The following TRIM75 variants were observed in gnomAD, a reference collection of about 807,000 sequenced individuals.
TRIM75 encodes the protein tripartite motif containing 75.
the TRIM75 span, among the ~76,000 whole-genome samples, chr4:165,058,547 T>A: frequency 3.3e-5 from 5 of 152,138 alleles, no homozygotes; most frequent in African/African-American, 1.2e-4. Flanking sequence ...GTGGTCTCTA[T>A]GCCTCAGGGC....
chr4:165,055,908 G>T, the TRIM75 span, among the ~76,000 whole-genome samples: 1 of 144,614 alleles, frequency 6.9e-6, no homozygotes, highest in African/African-American at 2.5e-5. Context: ...CACATGAGAC[G>T]CTGTCTCTCT....
the TRIM75 span, among the ~76,000 whole-genome samples, chr4:165,058,145 A>AT: frequency 6.6e-6 from 1 of 151,838 alleles, no homozygotes; most frequent in Admixed American, 6.6e-5. Context: ...GGTAGATGTG[A>AT]TTTTGAGCCA....
At chr4:165,055,283 CTTTT>C in the TRIM75 span, among the ~76,000 whole-genome samples, 6,920 of 129,546 alleles carry the variant, frequency 0.053, 539 homozygotes, top group African/African-American at 0.18. Context: ...AAGATAACTA[CTTTT>C]TTTTTTTTTT....
At chr4:165,059,042 A>AGG in the TRIM75 span, 3,403 of 622,576 alleles carry the variant, frequency 5.5e-3, 47 homozygotes, top group African/African-American at 0.039. Context: ...GCCTCCAGGA[A>AGG]GGACAGTGAG....
the TRIM75 span, chr4:165,059,475 G>A: frequency 5.1e-6 from 4 of 780,806 alleles, no homozygotes; most frequent in Non-Finnish European, 7.2e-6. Flanking sequence ...TTTCTGCAAG[G>A]AGGACCTGAT....
the TRIM75 span, chr4:165,060,044 C>T: frequency 7.7e-6 from 6 of 777,996 alleles, no homozygotes; most frequent in African/African-American, 5.1e-5. Flanking sequence ...TAATTCTAGA[C>T]CCTGAAACAG....
chr4:165,059,289 C>T, the TRIM75 span: 23 of 780,428 alleles, frequency 2.9e-5, no homozygotes, highest in Middle Eastern at 4.5e-4. Flanking sequence ...GCTGGATCTA[C>T]AGGAATTGTT....
At chr4:165,055,641 G>A in the TRIM75 span, among the ~76,000 whole-genome samples, 1 of 152,154 alleles carries the variant, frequency 6.6e-6, no homozygotes, top group African/African-American at 2.4e-5. Flanking sequence ...TGGAAGATGA[G>A]GCCAGAGGGG....
At chr4:165,055,915 C>G in the TRIM75 span, among the ~76,000 whole-genome samples, 2 of 128,282 alleles carry the variant, frequency 1.6e-5, no homozygotes, top group African/African-American at 5.8e-5. Flanking sequence ...GACGCTGTCT[C>G]TCTCTCCCTT....
chr4:165,060,276 C>T, the TRIM75 span: 1 of 780,872 alleles, frequency 1.3e-6, no homozygotes, highest in South Asian at 1.3e-5. Flanking sequence ...GGCGAGGAGA[C>T]CCTCATCAGC....
At chr4:165,059,456 C>T in the TRIM75 span, 1 of 780,898 alleles carries the variant, frequency 1.3e-6, no homozygotes, top group African/African-American at 1.7e-5. Context: ...ACAACCAGCC[C>T]CTGAGCGTTT....
At chr4:165,060,226 A>G in the TRIM75 span, 1 of 780,922 alleles carries the variant, frequency 1.3e-6, no homozygotes, top group South Asian at 1.3e-5. Context: ...GATAAGTCAG[A>G]ATGGGCTATT....
chr4:165,060,537 G>A, the TRIM75 span: 2 of 756,088 alleles, frequency 2.6e-6, no homozygotes, highest in African/African-American at 3.4e-5. Context: ...AATCTGTACA[G>A]GGACAGTTTG....
At chr4:165,059,434 T>C in the TRIM75 span, 1 of 780,868 alleles carries the variant, frequency 1.3e-6, no homozygotes, top group Non-Finnish European at 2.4e-6. Flanking sequence ...GAGACCACCT[T>C]GTGCGAGAAA....
the TRIM75 span, among the ~76,000 whole-genome samples, chr4:165,056,482 C>T: frequency 2.0e-3 from 311 of 151,848 alleles, 1 homozygote; most frequent in African/African-American, 7.1e-3. Context: ...GTTTTTATTA[C>T]TGAGGCCTTG....
chr4:165,055,251 C>T, the TRIM75 span, among the ~76,000 whole-genome samples: 2 of 151,250 alleles, frequency 1.3e-5, no homozygotes, highest in African/African-American at 4.9e-5. Context: ...TAATGTTACA[C>T]GCGTGAGCCA....
At chr4:165,060,290 G>T in the TRIM75 span, 1 of 780,924 alleles carries the variant, frequency 1.3e-6, no homozygotes, top group Non-Finnish European at 2.4e-6. Context: ...CATCAGCCCA[G>T]CAGGAATGTT....
At chr4:165,059,127 G>A in the TRIM75 span, 8 of 752,104 alleles carry the variant, frequency 1.1e-5, no homozygotes, top group South Asian at 2.9e-5. Context: ...CACCTTGGTC[G>A]AGACCTTCAC....
At chr4:165,059,199 A>G in the TRIM75 span, 4 of 780,180 alleles carry the variant, frequency 5.1e-6, no homozygotes, top group South Asian at 5.4e-5. Context: ...TAAGTGCTCC[A>G]TCTGTCTGGA....
Sources: allele counts gnomAD v4.1 joint callset (sites outside exome capture counted in the v4.1 genomes callset), GRCh38; gene constraint gnomAD v4.1.1; transcripts MANE v1.5; gene names NCBI Gene and HGNC (gene_info 2026-07-23, HGNC 2026-07-21).